CADPS2: variants seen among roughly 807,000 people sequenced by gnomAD.
CADPS2 encodes the protein calcium dependent secretion activator 2.
CADPS2 carries 93 observed loss-of-function variants against 172.5 expected under a neutral mutation model. The observed-to-expected ratio is 0.54, with a 90% CI of 0.46 to 0.64. The LOEUF (loss-of-function observed/expected upper bound fraction) is 0.64. Among genes scored for constraint, CADPS2 ranks in the 30% least tolerant of loss-of-function variants. The pLI, the probability that CADPS2 is intolerant of heterozygous loss-of-function variation, is 0.00. For missense variants in CADPS2, 1,420 were observed against 1,565.9 expected, an observed-to-expected ratio of 0.91 and a Z score of 1.57; for synonymous variants, 546 against 555.2, an observed-to-expected ratio of 0.98 and a Z score of 0.23.
chr7:122,594,452 A>T (rs141605365), intron 6 of CADPS2, among the ~76,000 whole-genome samples: 31 of 152,082 alleles, frequency 2.0e-4, no homozygotes, highest in African/African-American at 6.7e-4. Context: ...TTCCCTTCAA[A>T]GAGCTAGTTC....
At chr7:122,392,389 GT>G (rs759134436) in intron 22 of CADPS2, among the ~76,000 whole-genome samples, 3,915 of 146,636 alleles carry the variant, frequency 0.027, 74 homozygotes, top group African/African-American at 0.061. Context: ...CCTCAATACA[GT>G]TTTTTTTTTT....
intron 2 of CADPS2, among the ~76,000 whole-genome samples, chr7:122,715,124 T>C (rs1468201788): frequency 6.6e-6 from 1 of 152,182 alleles, no homozygotes; most frequent in Non-Finnish European, 1.5e-5. Context: ...AGCAACTACA[T>C]GAAGCTAATA....
At chr7:122,704,871 C>T (rs768845954) in intron 2 of CADPS2, among the ~76,000 whole-genome samples, 7 of 151,970 alleles carry the variant, frequency 4.6e-5, no homozygotes, top group East Asian at 3.9e-4. Context: ...CAGCATCTAG[C>T]GAGTACACAC....
chr7:122,727,295 C>A (rs2159824), intron 2 of CADPS2, among the ~76,000 whole-genome samples: 130,750 of 151,658 alleles, frequency 0.86, 56,430 homozygotes, highest in Middle Eastern at 0.93. Flanking sequence ...AACTGAGCAG[C>A]CTTTCCTTGG....
intron 1 of CADPS2, among the ~76,000 whole-genome samples, chr7:122,774,267 TATACACAC>T (rs1415744874): frequency 4.2e-4 from 50 of 119,576 alleles, no homozygotes; most frequent in East Asian, 7.0e-4. Context: ...CATAGATAGA[TATACACAC>T]ACACACACAC....
At chr7:122,729,851 G>A (rs191368473) in intron 2 of CADPS2, among the ~76,000 whole-genome samples, 4 of 151,642 alleles carry the variant, frequency 2.6e-5, no homozygotes, top group African/African-American at 7.2e-5. Context: ...ACTAATACAC[G>A]AGGGGTGGTA....
chr7:122,513,560 A>G (rs2060149583), intron 8 of CADPS2, among the ~76,000 whole-genome samples: 1 of 152,240 alleles, frequency 6.6e-6, no homozygotes. Context: ...CAAATTGAGC[A>G]AAGTAGGAAT....
intron 6 of CADPS2, among the ~76,000 whole-genome samples, chr7:122,610,923 C>T (rs904329162): frequency 3.9e-5 from 6 of 152,100 alleles, no homozygotes; most frequent in Non-Finnish European, 7.4e-5. Context: ...ATGGTAGGAC[C>T]TGGGGCTTGT....
intron 1 of CADPS2, among the ~76,000 whole-genome samples, chr7:122,805,261 G>A (rs1798543286): frequency 1.3e-5 from 2 of 152,190 alleles, no homozygotes; most frequent in Non-Finnish European, 2.9e-5. Context: ...CAGGGTTCAA[G>A]TGATTCTCCT....
rs372408510 is a variant in CADPS2 at position 122,675,408 on chromosome 7, T to A, written c.454-11839A>T. Among the ~76,000 whole-genome samples the A allele has an allele frequency of 7.2e-5, 11 of 152,322 alleles. No individual in the cohort carries two copies. In the East Asian group the frequency reaches 9.6e-4, roughly 13 times the overall value. On this transcript the variant is annotated intron_variant, in intron 2 of 29. Transcript: ENST00000449022. ...CTGATTTCAAGTGAAAACTCTAAAG[T>A]GATGTTCTCTCCTTTCATTTCCAGT...
intron 2 of CADPS2, among the ~76,000 whole-genome samples, chr7:122,673,857 A>G (rs2082118414): frequency 7.7e-6 from 1 of 129,932 alleles, no homozygotes; most frequent in Non-Finnish European, 1.6e-5. Flanking sequence ...GGTGCCGTGG[A>G]GCAGGAGGTG....
chr7:122,684,084 C>G (rs553532718), intron 2 of CADPS2, among the ~76,000 whole-genome samples: 84 of 152,218 alleles, frequency 5.5e-4, no homozygotes, highest in African/African-American at 1.8e-3. Flanking sequence ...ATAGAGAGCT[C>G]ACATTTATTT....
chr7:122,807,553 T>C (rs555607667), intron 1 of CADPS2, among the ~76,000 whole-genome samples: 1 of 152,314 alleles, frequency 6.6e-6, no homozygotes, highest in South Asian at 2.1e-4. Context: ...TCCAAGTTTG[T>C]TCCTTTTGGG....
intron 1 of CADPS2, among the ~76,000 whole-genome samples, chr7:122,799,365 C>T (rs1797064749): frequency 6.6e-6 from 1 of 151,814 alleles, no homozygotes; most frequent in African/African-American, 2.4e-5. Flanking sequence ...TTTGGGAGGC[C>T]AAGGCGGGTG....
intron 9 of CADPS2, among the ~76,000 whole-genome samples, chr7:122,491,793 G>A (rs1226108305): frequency 1.3e-5 from 2 of 152,094 alleles, no homozygotes; most frequent in Non-Finnish European, 2.9e-5. Context: ...ATATGCTAAC[G>A]TAGGCTATAA....
chr7:122,835,396 C>T (rs1357768978), intron 1 of CADPS2, among the ~76,000 whole-genome samples: 7 of 152,224 alleles, frequency 4.6e-5, no homozygotes, highest in African/African-American at 9.6e-5. Context: ...TCCAAAGGAA[C>T]GCAGCTCCTC....
chr7:122,505,334 A>C (rs1310603398), intron 9 of CADPS2, among the ~76,000 whole-genome samples: 1 of 152,192 alleles, frequency 6.6e-6, no homozygotes, highest in Non-Finnish European at 1.5e-5. Flanking sequence ...TTGTATCTCT[A>C]GCTAGCTTTA....
At position 122,621,505 on chromosome 7, in the gene CADPS2, G is replaced by A. The variant is rs756818630; in HGVS notation, c.1080C>T (p.Asp360=). The A allele has an allele frequency of 4.0e-5, 64 of 1,612,750 alleles. No individual in the cohort carries two copies. Among genetic ancestry groups the A allele is most frequent in the African/African-American group, 1.3e-4 (10 of 74,868 alleles). Residue 360 remains aspartate, a synonymous_variant, in exon 5 of 30, where the codon GAC becomes GAT. Transcript: ENST00000449022. The part of the protein sequence containing the change: ...DENEIQLSKS[D]VVLSFTLEIV... ...CCTCTAAGGTGAATGACAGTACCAC[G>A]TCGGACTTTGACAGCTGAATCTCAT... is the stretch of plus-strand genomic sequence containing the variant.
intron 1 of CADPS2, among the ~76,000 whole-genome samples, chr7:122,762,556 T>C (rs1404555622): frequency 6.6e-6 from 1 of 152,202 alleles, no homozygotes; most frequent in East Asian, 1.9e-4. Flanking sequence ...TAAAATTCGT[T>C]ACCCAGTTAA....
Sources: gnomAD v4.1 joint callset for allele counts (sites outside exome capture counted in the v4.1 genomes callset) on GRCh38, gnomAD v4.1.1 for gene constraint, MANE v1.5 for transcripts, NCBI Gene and HGNC (gene_info 2026-07-23, HGNC 2026-07-21) for gene names.